DTNBP1: variants seen among roughly 807,000 people sequenced by gnomAD.
The protein encoded by DTNBP1 is dystrobrevin binding protein 1.
A neutral mutation model predicts 42.8 loss-of-function variants in DTNBP1; 35 were observed. The observed-to-expected ratio is 0.82, with a 90% CI of 0.63 to 1.09. The LOEUF (loss-of-function observed/expected upper bound fraction) is 1.09. DTNBP1 is among the 50% of genes least tolerant of loss of function. The pLI, the probability that DTNBP1 is intolerant of heterozygous loss-of-function variation, is 0.00. For synonymous variants in DTNBP1, 171 were observed against 162.2 expected, an observed-to-expected ratio of 1.05 and a Z score of -0.41; for missense variants, 457 against 424.2, an observed-to-expected ratio of 1.08 and a Z score of -0.68.
At chr6:15,599,126 A>T (rs1239661466) in intron 6 of DTNBP1, among the ~76,000 whole-genome samples, 1 of 152,170 alleles carries the variant, frequency 6.6e-6, no homozygotes, top group Non-Finnish European at 1.5e-5. Flanking sequence ...CCTTGCAAGA[A>T]TCATTTCCCT....
chr6:15,615,499 T>C, intron 5 of DTNBP1, 100 bp from the exon 6 acceptor site: 1 of 1,487,690 alleles, frequency 6.7e-7, no homozygotes, highest in African/African-American at 1.4e-5. Context: ...TTGTTGAGAT[T>C]GTTTTGCATT....
At chr6:15,631,138 CAAAAT>C (rs1346359306) in intron 4 of DTNBP1, among the ~76,000 whole-genome samples, 1 of 152,040 alleles carries the variant, frequency 6.6e-6, no homozygotes. Context: ...AGCGGTCTGA[CAAAAT>C]AAATTTACAA....
At chr6:15,637,698 G>A (rs749848966) in intron 4 of DTNBP1, 46 bp downstream of exon 4, 1 of 1,597,232 alleles carries the variant, frequency 6.3e-7, no homozygotes, top group African/African-American at 1.3e-5. Context: ...ATTTAGCACT[G>A]AAAAAGGAAA....
chr6:15,566,872 T>G (rs1775114262), intron 7 of DTNBP1, among the ~76,000 whole-genome samples: 1 of 152,052 alleles, frequency 6.6e-6, no homozygotes, highest in Admixed American at 6.5e-5. Context: ...GGCTAACTTT[T>G]GTACAGACGG....
intron 7 of DTNBP1, among the ~76,000 whole-genome samples, chr6:15,563,525 C>T (rs1362315702): frequency 6.6e-6 from 1 of 152,156 alleles, no homozygotes; most frequent in Non-Finnish European, 1.5e-5. Context: ...CATCTGTATA[C>T]CCATTGTTCC....
chr6:15,525,819 C>G (rs1223370321), intron 8 of DTNBP1, among the ~76,000 whole-genome samples: 1 of 152,118 alleles, frequency 6.6e-6, no homozygotes, highest in Non-Finnish European at 1.5e-5. Context: ...TTCCCCGAAG[C>G]CAAGAAGGGG....
At chr6:15,567,103 C>CTAG (rs771975291) in intron 7 of DTNBP1, among the ~76,000 whole-genome samples, 4 of 152,186 alleles carry the variant, frequency 2.6e-5, no homozygotes, top group Non-Finnish European at 4.4e-5. Context: ...AAACATTTGC[C>CTAG]ATCTATTGTC....
intron 5 of DTNBP1, among the ~76,000 whole-genome samples, chr6:15,620,897 A>C (rs1333004503): frequency 6.6e-6 from 1 of 152,236 alleles, no homozygotes. Flanking sequence ...CAAAGCTGTT[A>C]AAAGGATTAA....
intron 5 of DTNBP1, among the ~76,000 whole-genome samples, chr6:15,617,563 T>C (rs933726608): frequency 6.6e-6 from 1 of 151,642 alleles, no homozygotes; most frequent in African/African-American, 2.4e-5. Flanking sequence ...AACCCACAAA[T>C]AAATCCACAT....
chr6:15,601,819 TG>T (rs1281287027), intron 6 of DTNBP1, among the ~76,000 whole-genome samples: 2 of 146,852 alleles, frequency 1.4e-5, no homozygotes, highest in Non-Finnish European at 3.0e-5. Flanking sequence ...CACTCCAGCC[TG>T]GACAACAAGA....
intron 7 of DTNBP1, among the ~76,000 whole-genome samples, chr6:15,542,257 T>C (rs1408552535): frequency 6.6e-6 from 1 of 152,260 alleles, no homozygotes; most frequent in Non-Finnish European, 1.5e-5. Context: ...CTCTTCAAGC[T>C]GTTTTTTGAT....
chr6:15,658,966 T>C (rs1562019257), intron 1 of DTNBP1, among the ~76,000 whole-genome samples: 2 of 152,198 alleles, frequency 1.3e-5, no homozygotes, highest in Non-Finnish European at 2.9e-5. Context: ...TCACTAGTTT[T>C]TCTCAAGGTT....
chr6:15,590,086 C>T (rs1776233317), intron 7 of DTNBP1, among the ~76,000 whole-genome samples: 1 of 152,162 alleles, frequency 6.6e-6, no homozygotes, highest in Non-Finnish European at 1.5e-5. Context: ...GCGCCCACCA[C>T]CACGCTGGGC....
At position 15,555,681 on chromosome 6, in the gene DTNBP1, T is replaced by TTC. The variant is rs879372512; in HGVS notation, c.512-22287_512-22286insGA. On this transcript the variant is annotated intron_variant, in intron 7 of 9. Coordinates refer to ENST00000344537, the MANE Select transcript of DTNBP1 (RefSeq NM_032122.5). ...CATGGTCTAAAAAGGGGAAGAACCC[T>TTC]CAGTTCCAGGAATCCCCACCCCTTT... Among the ~76,000 whole-genome samples the TTC allele has an allele frequency of 1.2e-4, 19 of 152,216 alleles. 1 individual carries two copies. Among genetic ancestry groups the TTC allele is most frequent in the Admixed American group, 1.3e-4 (2 of 15,284 alleles).
intron 1 of DTNBP1, among the ~76,000 whole-genome samples, 180 bp downstream of exon 1, chr6:15,662,634 T>C (rs1312303385): frequency 6.6e-6 from 1 of 151,812 alleles, no homozygotes; most frequent in African/African-American, 2.4e-5. Flanking sequence ...CCTAAGTTAC[T>C]TTGCGCCGCC....
chr6:15,662,211 C>T (rs534929952), intron 1 of DTNBP1, among the ~76,000 whole-genome samples: 18 of 152,398 alleles, frequency 1.2e-4, no homozygotes, highest in Middle Eastern at 3.4e-3. Context: ...TTAGGAGTTC[C>T]TTCGCCGAGG....
At chr6:15,535,737 G>T (rs908043937) in intron 7 of DTNBP1, among the ~76,000 whole-genome samples, 1 of 152,188 alleles carries the variant, frequency 6.6e-6, no homozygotes, top group Non-Finnish European at 1.5e-5. Context: ...CTGGGTTACG[G>T]GTAGAGGTTG....
intron 7 of DTNBP1, among the ~76,000 whole-genome samples, chr6:15,568,318 C>G (rs1452282600): frequency 6.6e-6 from 1 of 152,228 alleles, no homozygotes; most frequent in Non-Finnish European, 1.5e-5. Flanking sequence ...TGCATCTCCA[C>G]TATTCATCAA....
chr6:15,567,405 A>AT (rs1213170417), intron 7 of DTNBP1, among the ~76,000 whole-genome samples: 1 of 152,122 alleles, frequency 6.6e-6, no homozygotes, highest in African/African-American at 2.4e-5. Flanking sequence ...GTGAGCTATG[A>AT]TTGCACCACT....
Sources: allele counts gnomAD v4.1 joint callset (sites outside exome capture counted in the v4.1 genomes callset), GRCh38; gene constraint gnomAD v4.1.1; transcripts MANE v1.5; gene names NCBI Gene and HGNC (gene_info 2026-07-23, HGNC 2026-07-21).